The following ADARB1 variants were observed in gnomAD, a reference collection of about 807,000 sequenced individuals.
The protein encoded by ADARB1 is double-stranded RNA-specific editase 1.
A neutral mutation model predicts 52.4 loss-of-function variants in ADARB1; 10 were observed. That is an observed-to-expected ratio of 0.19 (90% CI 0.12 to 0.32). The LOEUF is 0.32. ADARB1 is among the 10% of genes least tolerant of loss of function. ADARB1 has a pLI of 1.00. For missense variants in ADARB1, 643 were observed against 922.3 expected (o/e 0.70, Z 3.92); for synonymous variants, 349 against 371.1 (o/e 0.94, Z 0.68).
intron 1 of ADARB1, among the ~76,000 whole-genome samples, chr21:45,109,792 C>A (rs1413748529): frequency 6.6e-6 from 1 of 152,214 alleles, no homozygotes; most frequent in South Asian, 2.1e-4. Context: ...GAAGCCAAAT[C>A]ACGCTGGTTT....
chr21:45,202,160 G>A (rs17004751), intron 8 of ADARB1, among the ~76,000 whole-genome samples: 3,028 of 152,262 alleles, frequency 0.02, 98 homozygotes, highest in African/African-American at 0.064. Flanking sequence ...GGCAGGCACC[G>A]GGTTCCCCTT....
rs1403434702 is a variant in ADARB1 at position 45,223,164 on chromosome 21, C to A, written c.*967C>A. Reference sequence around the variant, plus strand: ...ATGGATGTGGGTGACCGCCCGAAGGCCTTCACAGGATGGAAGTAGAATGAT... The same window carrying A: ...ATGGATGTGGGTGACCGCCCGAAGGACTTCACAGGATGGAAGTAGAATGAT... On this transcript the variant is annotated 3_prime_UTR_variant, in exon 11 of 11. Coordinates refer to ENST00000348831, the MANE Select transcript of ADARB1 (RefSeq NM_001112.4). 3.0e-6 allele frequency: 3 copies of A among 985,336 alleles called. No individual in the cohort carries two copies. The highest frequency in any genetic ancestry group is 3.6e-6 in the Non-Finnish European group (3 of 829,960). The allele number at this position is 985,336 out of a possible 1,614,324, so 61.0% of individuals were successfully genotyped here.
chr21:45,188,111 G>A (rs930909782), intron 8 of ADARB1, among the ~76,000 whole-genome samples: 1 of 151,868 alleles, frequency 6.6e-6, no homozygotes, highest in South Asian at 2.1e-4. Context: ...ATTTGGTCCT[G>A]GGCTTTTTTT....
chr21:45,173,682 T>G (rs2091577215), intron 3 of ADARB1, among the ~76,000 whole-genome samples: 1 of 151,022 alleles, frequency 6.6e-6, no homozygotes, highest in Non-Finnish European at 1.5e-5. Context: ...GTATGTCATG[T>G]TCTTGCTCAG....
chr21:45,151,562 C>T (rs185036028), intron 2 of ADARB1, among the ~76,000 whole-genome samples: 1 of 152,272 alleles, frequency 6.6e-6, no homozygotes, highest in East Asian at 1.9e-4. Flanking sequence ...CGGACTCCTT[C>T]CAAGACAGCC....
intron 1 of ADARB1, among the ~76,000 whole-genome samples, chr21:45,101,596 G>A (rs911211197): frequency 1.3e-5 from 2 of 152,210 alleles, no homozygotes; most frequent in Non-Finnish European, 2.9e-5. Flanking sequence ...TAAAGGAAGC[G>A]TTGCTTCTTA....
chr21:45,119,330 A>G (rs1365320511), intron 1 of ADARB1, among the ~76,000 whole-genome samples: 4 of 152,192 alleles, frequency 2.6e-5, no homozygotes, highest in African/African-American at 7.2e-5. Flanking sequence ...GGCTCAAGCC[A>G]TCCTCCCACC....
At chr21:45,167,402 T>G (rs1259266938) in intron 2 of ADARB1, among the ~76,000 whole-genome samples, 8 of 152,168 alleles carry the variant, frequency 5.3e-5, no homozygotes, top group Non-Finnish European at 7.4e-5. Context: ...ATTGATTAAT[T>G]ATGTATAAGA....
At chr21:45,156,717 C>A (rs2090675119) in intron 2 of ADARB1, among the ~76,000 whole-genome samples, 1 of 152,178 alleles carries the variant, frequency 6.6e-6, no homozygotes, top group Non-Finnish European at 1.5e-5. Flanking sequence ...AACAAGTACT[C>A]ATTACACCCT....
chr21:45,147,014 TGG>T (rs1014086306), intron 2 of ADARB1, among the ~76,000 whole-genome samples: 1 of 152,212 alleles, frequency 6.6e-6, no homozygotes, highest in African/African-American at 2.4e-5. Context: ...CCACTGTGCT[TGG>T]GCCTGGCCAG....
intron 2 of ADARB1, among the ~76,000 whole-genome samples, chr21:45,169,832 C>T (rs1042939765): frequency 6.6e-6 from 1 of 152,188 alleles, no homozygotes; most frequent in Non-Finnish European, 1.5e-5. Context: ...CCTGTTTTCC[C>T]GTCTTCGTGA....
At chr21:45,089,637 TTTTTGTACAG>T (rs1175157870) in intron 1 of ADARB1, among the ~76,000 whole-genome samples, 1 of 152,230 alleles carries the variant, frequency 6.6e-6, no homozygotes, top group Non-Finnish European at 1.5e-5. Context: ...ATGAAATTTG[TTTTTGTACAG>T]TTTGAAGTTG....
chr21:45,121,315 A>G (rs2088169914), intron 1 of ADARB1, among the ~76,000 whole-genome samples: 1 of 152,146 alleles, frequency 6.6e-6, no homozygotes, highest in African/African-American at 2.4e-5. Flanking sequence ...TAACTATCTC[A>G]GGTGTGATTT....
At position 45,226,122 on chromosome 21, in the gene ADARB1, C is replaced by G. The variant is rs2093055398; in HGVS notation, c.*3925C>G. Reference sequence around the variant, plus strand: ...CATGTGAAAATCCTCCTGTCTCTGGCAGCACTGTCTGCACTTTCTTGTTTA... The same window carrying G: ...CATGTGAAAATCCTCCTGTCTCTGGGAGCACTGTCTGCACTTTCTTGTTTA... On this transcript the variant is annotated 3_prime_UTR_variant, in exon 11 of 11. Transcript: ENST00000348831. 1 of 152,316 alleles carries G rather than the reference C, an allele frequency of 6.6e-6. No individual in the cohort carries two copies. The highest frequency in any genetic ancestry group is 2.1e-4 in the South Asian group (1 of 4,828). The allele number at this position is 152,316 out of a possible 1,614,324, so 9.4% of individuals were successfully genotyped here.
chr21:45,168,002 G>A (rs1305134714), intron 2 of ADARB1, among the ~76,000 whole-genome samples: 43 of 151,992 alleles, frequency 2.8e-4, no homozygotes, highest in Admixed American at 2.8e-3. Context: ...ACCTGGGGCT[G>A]TCACTATCTT....
chr21:45,212,690 C>T (rs2092791776), intron 9 of ADARB1, among the ~76,000 whole-genome samples: 1 of 151,972 alleles, frequency 6.6e-6, no homozygotes, highest in South Asian at 2.1e-4. Context: ...TCCTTCAGAC[C>T]TTCTGCAGAA....
At chr21:45,097,435 T>C (rs2123712751) in intron 1 of ADARB1, among the ~76,000 whole-genome samples, 1 of 151,478 alleles carries the variant, frequency 6.6e-6, no homozygotes, top group East Asian at 1.9e-4. Context: ...TAGAGAATCA[T>C]GATTTTTTTT....
intron 1 of ADARB1, among the ~76,000 whole-genome samples, chr21:45,109,291 CAT>C (rs1436772769): frequency 1.0e-4 from 15 of 146,678 alleles, no homozygotes; most frequent in East Asian, 4.0e-4. Flanking sequence ...CGCGCTTGTG[CAT>C]ATATGTGTGT....
At chr21:45,078,607 T>C (rs572203997) in intron 1 of ADARB1, among the ~76,000 whole-genome samples, 24 of 152,116 alleles carry the variant, frequency 1.6e-4, no homozygotes, top group Middle Eastern at 3.2e-3. Context: ...TGTAGTATGG[T>C]GGTCACCTCA....
Sources: gnomAD v4.1 joint callset for allele counts (sites outside exome capture counted in the v4.1 genomes callset) on GRCh38, gnomAD v4.1.1 for gene constraint, MANE v1.5 for transcripts, NCBI Gene and HGNC (gene_info 2026-07-23, HGNC 2026-07-21) for gene names.